Variants in ATP8B4 observed in about 807,000 individuals in gnomAD.
The protein encoded by ATP8B4 is probable phospholipid-transporting ATPase IM.
Under a neutral mutation model 145.6 loss-of-function variants are expected in ATP8B4, and 133 were observed. That is an observed-to-expected ratio of 0.91 (90% CI 0.79 to 1.05). The LOEUF (loss-of-function observed/expected upper bound fraction) is 1.05. Ranked by LOEUF, ATP8B4 falls within the 50% of genes least tolerant of loss-of-function variation. The probability of loss-of-function intolerance (pLI) is 0.00; values close to 1 mark genes in which losing one functional copy is unlikely to be tolerated. For synonymous variants in ATP8B4, 507 were observed against 492.9 expected (o/e 1.03, Z -0.38); for missense variants, 1,458 against 1,425.2 (o/e 1.02, Z -0.37).
chr15:50,124,770 T>C (rs1179161941), intron 1 of ATP8B4, among the ~76,000 whole-genome samples: 2 of 152,176 alleles, frequency 1.3e-5, no homozygotes, highest in Non-Finnish European at 2.9e-5. Flanking sequence ...GGGCTTGTTG[T>C]TATGCAAGCC....
chr15:49,918,695 A>C, intron 19 of ATP8B4, 144 bp downstream of exon 19: 1 of 619,508 alleles, frequency 1.6e-6, no homozygotes, highest in Non-Finnish European at 2.8e-6. Context: ...CAATACATTA[A>C]CTTCCTCTTC....
intron 2 of ATP8B4, among the ~76,000 whole-genome samples, chr15:50,096,868 G>A (rs1261988834): frequency 6.6e-6 from 1 of 152,072 alleles, no homozygotes; most frequent in Non-Finnish European, 1.5e-5. Context: ...AAACATAGAA[G>A]AGAACTCATG....
At chr15:49,975,476 G>A (rs781438847) in intron 12 of ATP8B4, among the ~76,000 whole-genome samples, 4 of 152,024 alleles carry the variant, frequency 2.6e-5, no homozygotes, top group Non-Finnish European at 4.4e-5. Flanking sequence ...GTAAATAGTT[G>A]TTATACTGTA....
chr15:49,912,914 G>A (rs946070671), intron 20 of ATP8B4, among the ~76,000 whole-genome samples: 4 of 152,042 alleles, frequency 2.6e-5, no homozygotes, highest in African/African-American at 9.7e-5. Flanking sequence ...GATCATTTGA[G>A]CACAGGAATA....
intron 16 of ATP8B4, among the ~76,000 whole-genome samples, chr15:49,927,753 A>T (rs781567753): frequency 2.6e-5 from 4 of 152,042 alleles, no homozygotes; most frequent in Non-Finnish European, 4.4e-5. Flanking sequence ...CATCAATAAC[A>T]CCTTCCCTGA....
intron 14 of ATP8B4, among the ~76,000 whole-genome samples, chr15:49,947,931 A>C (rs2042723569): frequency 6.6e-6 from 1 of 152,226 alleles, no homozygotes; most frequent in South Asian, 2.1e-4. Flanking sequence ...CAAAAGAAAA[A>C]AATGGACCAT....
At chr15:50,127,141 C>T (rs1478534382) in intron 1 of ATP8B4, among the ~76,000 whole-genome samples, 4 of 152,188 alleles carry the variant, frequency 2.6e-5, no homozygotes, top group African/African-American at 7.2e-5. Flanking sequence ...TTAGGTCAAA[C>T]CAATAGCCTC....
rs748082331 is a variant in ATP8B4 at position 49,897,505 on chromosome 15, A to T, written c.2484T>A (p.Ile828=). 1.0e-5 allele frequency: 16 copies of T among 1,552,254 alleles called. No individual in the cohort carries two copies. The highest frequency in any genetic ancestry group is 1.3e-5 in the Non-Finnish European group (15 of 1,148,856). The part of the protein sequence containing the change: ...NDVSMIKSAH[I]GVGISGQEGL... ...CTTCCTGGCCGCTGATGCCAACACC[A>T]ATGTGAGCACCTACAAAGGAAAGAG... Residue 828 remains isoleucine (I), a synonymous_variant, in exon 23 of 28, where the codon ATT becomes ATA. Transcript: ENST00000284509.
intron 14 of ATP8B4, among the ~76,000 whole-genome samples, chr15:49,950,611 C>CAAAAAAAAAAAAAAAAAAAAAA (rs1316878072): frequency 2.8e-5 from 3 of 107,172 alleles, no homozygotes; most frequent in Non-Finnish European, 5.1e-5. Context: ...AACAAACAAA[C>CAAAAAAAAAAAAAAAAAAAAAA]AAACAAACAA....
At chr15:50,107,245 C>T (rs1199018411) in intron 1 of ATP8B4, among the ~76,000 whole-genome samples, 12 of 152,132 alleles carry the variant, frequency 7.9e-5, no homozygotes. Context: ...CACAAATGCG[C>T]CACTCAATTT....
rs930325118 is a variant in ATP8B4 at position 49,982,898 on chromosome 15, T to C, written c.749-1604A>G. ...TAACTTCTTGACTATTCAGCAACCT[T>C]TGACACTGTTGACTATTCCATCCTT... On this transcript the variant is annotated intron_variant, in intron 10 of 27. Transcript: ENST00000284509. Among the ~76,000 whole-genome samples the C allele has an allele frequency of 2.0e-5, 3 of 152,154 alleles. 1 individual carries two copies. Among genetic ancestry groups the C allele is most frequent in the South Asian group, 4.1e-4 (2 of 4,828 alleles).
At chr15:49,862,735 G>A (rs1015700761) in intron 26 of ATP8B4, among the ~76,000 whole-genome samples, 8 of 152,130 alleles carry the variant, frequency 5.3e-5, no homozygotes, top group East Asian at 3.9e-4. Flanking sequence ...GATTACAGGC[G>A]TGAGCCACCA....
intron 2 of ATP8B4, among the ~76,000 whole-genome samples, chr15:50,086,943 AT>A (rs61728607): frequency 5.9e-5 from 5 of 85,304 alleles, no homozygotes; most frequent in African/African-American, 3.3e-4. Context: ...AGAGATCTAT[AT>A]TTATTATATA....
intron 13 of ATP8B4, among the ~76,000 whole-genome samples, chr15:49,972,146 T>C (rs181398301): frequency 4.5e-4 from 68 of 152,144 alleles, no homozygotes; most frequent in African/African-American, 1.6e-3. Context: ...AGGGGAGGGA[T>C]GGCATTAGGA....
intron 9 of ATP8B4, among the ~76,000 whole-genome samples, chr15:49,993,281 C>T (rs547318409): frequency 2.3e-4 from 34 of 150,082 alleles, no homozygotes; most frequent in African/African-American, 7.9e-4. Context: ...TGAAGGAAGA[C>T]GATGAGATGA....
At chr15:50,124,523 T>C (rs2057294768) in intron 1 of ATP8B4, among the ~76,000 whole-genome samples, 1 of 152,190 alleles carries the variant, frequency 6.6e-6, no homozygotes, top group Non-Finnish European at 1.5e-5. Flanking sequence ...AGGACTTTTC[T>C]ACTCTACTAA....
At chr15:50,079,114 G>T (rs2054375526) in intron 2 of ATP8B4, among the ~76,000 whole-genome samples, 1 of 152,140 alleles carries the variant, frequency 6.6e-6, no homozygotes, top group South Asian at 2.1e-4. Flanking sequence ...GAAAATGTTT[G>T]AGGGGATGGA....
intron 1 of ATP8B4, among the ~76,000 whole-genome samples, chr15:50,113,481 T>TA (rs113124308): frequency 0.019 from 2,877 of 149,970 alleles, 85 homozygotes; most frequent in African/African-American, 0.067. Context: ...AAAGTAGAAG[T>TA]AAAAAAAAAA....
intron 12 of ATP8B4, among the ~76,000 whole-genome samples, chr15:49,975,331 A>C (rs1228796129): frequency 6.6e-6 from 1 of 152,102 alleles, no homozygotes; most frequent in African/African-American, 2.4e-5. Flanking sequence ...TGAACATCAC[A>C]GTTGTCCCTT....
Sources: allele counts gnomAD v4.1 joint callset (sites outside exome capture counted in the v4.1 genomes callset), GRCh38; gene constraint gnomAD v4.1.1; transcripts MANE v1.5; gene names NCBI Gene and HGNC (gene_info 2026-07-23, HGNC 2026-07-21).